Variants in BCL2L14 observed in about 807,000 individuals in gnomAD.
BCL2L14 encodes the protein BCL2 like 14, also known as apoptosis facilitator Bcl-2-like protein 14.
BCL2L14 carries 27 observed loss-of-function variants against 35.3 expected under a neutral mutation model. That is an observed-to-expected ratio of 0.76 (90% CI 0.56 to 1.05). BCL2L14 has a LOEUF of 1.05. Ranked by LOEUF, BCL2L14 falls within the 50% of genes least tolerant of loss-of-function variation. BCL2L14 has a pLI of 0.00. For synonymous variants in BCL2L14, 139 were observed against 145.9 expected (o/e 0.95, Z 0.34); for missense variants, 377 against 382.6 (o/e 0.99, Z 0.12).
chr12:12,066,444 G>T (rs966337457), upstream of BCL2L14, among the ~76,000 whole-genome samples: 1 of 152,086 alleles, frequency 6.6e-6, no homozygotes, highest in African/African-American at 2.4e-5. Flanking sequence ...GTTTTCCTGA[G>T]GATGGGCTTT....
intron 4 of BCL2L14, among the ~76,000 whole-genome samples, chr12:12,092,394 C>G (rs1296744230): frequency 1.3e-5 from 2 of 152,226 alleles, no homozygotes; most frequent in African/African-American, 2.4e-5. Flanking sequence ...GTAGGGAGCT[C>G]TGCTAGAGAC....
rs1259986350 is a variant in BCL2L14, at chr12:12,057,213, G to A, written c.-272+5366G>A. On this transcript the variant is annotated intron_variant, in intron 2 of 3. Transcript: ENST00000461264. ...CAATAAACAAAGGCATTCCACGGGA[G>A]ACTATTTGCATTATAATATGCAAGG... Among the ~76,000 whole-genome samples the A allele has an allele frequency of 2.0e-5, 3 of 152,172 alleles. No individual in the cohort carries two copies. In the East Asian group the frequency reaches 5.8e-4, roughly 29 times the overall value.
At chr12:12,096,320 TA>T (rs1405385545) in intron 5 of BCL2L14, 1 of 271,976 alleles carries the variant, frequency 3.7e-6, no homozygotes, top group African/African-American at 2.3e-5. Flanking sequence ...TAAAATACCA[TA>T]AATATGCTAT....
chr12:12,084,570 A>T (rs927063886), intron 2 of BCL2L14, among the ~76,000 whole-genome samples: 3 of 151,906 alleles, frequency 2.0e-5, no homozygotes, highest in Non-Finnish European at 4.4e-5. Flanking sequence ...GACCCCCAAA[A>T]CAGACTCCAA....
At chr12:12,075,733 T>A (rs11613185) in intron 1 of BCL2L14, among the ~76,000 whole-genome samples, 17,991 of 152,132 alleles carry the variant, frequency 0.12, 1,336 homozygotes, top group Non-Finnish European at 0.16. Flanking sequence ...CCGGATATGT[T>A]TCTTATGTCT....
At chr12:12,066,513 T>C (rs571851618), upstream of BCL2L14, among the ~76,000 whole-genome samples, 2 of 152,290 alleles carry the variant, frequency 1.3e-5, no homozygotes, top group African/African-American at 4.8e-5. Flanking sequence ...CCAGTGATGA[T>C]ATAAATCAAT....
At chr12:12,081,010 C>T (rs971635126) in intron 2 of BCL2L14, among the ~76,000 whole-genome samples, 1 of 152,022 alleles carries the variant, frequency 6.6e-6, no homozygotes, top group African/African-American at 2.4e-5. Flanking sequence ...ATGGCAAAAC[C>T]CTGTCTCTAC....
rs143264392 is a variant in BCL2L14 at position 12,087,484 on chromosome 12, G to A, written c.607+98G>A. On this transcript the variant is annotated intron_variant, in intron 3 of 5. Transcript: ENST00000308721. ...AGGGCTCGGCAACTTGACAGTCTCC[G>A]CTGCCTGGACTGAGGGCTTGACAGC... 165 of 1,348,018 alleles carry A rather than the reference G, an allele frequency of 1.2e-4. No individual in the cohort carries two copies. The African/African-American group carries it at 1.5e-3, about 12-fold the overall frequency. The allele number at this position is 1,348,018 out of a possible 1,614,324, so 83.5% of individuals were successfully genotyped here.
Position 12,060,821 on chromosome 12 carries a change from C to G in BCL2L14, c.-272+8974C>G, listed in dbSNP as rs547582380. Among the ~76,000 whole-genome samples, 54 of 131,456 alleles carry G rather than the reference C, an allele frequency of 4.1e-4. 4 individuals carry two copies. The South Asian group carries it at 9.9e-3, about 24-fold the overall frequency. The allele number at this position is 131,456 out of a possible 152,430, so 86.2% of individuals were successfully genotyped here. On this transcript the variant is annotated intron_variant, in intron 2 of 3. Transcript: ENST00000461264. ...GCCCCTGGAACTCTGGCCGAAGGCTCTCTGACTGACTCCTTCTCAGCTTAG... is the reference window on the plus strand; with the variant it reads ...GCCCCTGGAACTCTGGCCGAAGGCTGTCTGACTGACTCCTTCTCAGCTTAG...
At chr12:12,073,409 C>T (rs1384603698) in intron 1 of BCL2L14, among the ~76,000 whole-genome samples, 4 of 152,098 alleles carry the variant, frequency 2.6e-5, no homozygotes, top group Non-Finnish European at 5.9e-5. Context: ...TGTAAGACAA[C>T]AAAAATCTCA....
At chr12:12,092,975 C>T (rs1949225816) in intron 4 of BCL2L14, among the ~76,000 whole-genome samples, 2 of 152,248 alleles carry the variant, frequency 1.3e-5, no homozygotes, top group Non-Finnish European at 2.9e-5. Flanking sequence ...CAGAAATTTC[C>T]GTTTTCACAT....
At chr12:12,062,666 C>T (rs1336962303) in intron 2 of BCL2L14, among the ~76,000 whole-genome samples, 9 of 151,904 alleles carry the variant, frequency 5.9e-5, no homozygotes, top group African/African-American at 1.5e-4. Flanking sequence ...TCTAGGTAGA[C>T]ACTTTCACTA....
intron 4 of BCL2L14, among the ~76,000 whole-genome samples, chr12:12,091,249 A>G (rs576917932): frequency 6.6e-6 from 1 of 152,320 alleles, no homozygotes; most frequent in South Asian, 2.1e-4. Flanking sequence ...AAGCTGGAAT[A>G]CTTTCTGGAA....
At chr12:12,060,181 A>G (rs1948500371) in intron 2 of BCL2L14, among the ~76,000 whole-genome samples, 1 of 151,266 alleles carries the variant, frequency 6.6e-6, no homozygotes, top group African/African-American at 2.4e-5. Flanking sequence ...TCCGGCTTAC[A>G]GTTTCGTTCC....
At chr12:12,068,360 G>A (rs1415712373), upstream of BCL2L14, 1 of 392,776 alleles carries the variant, frequency 2.5e-6, no homozygotes, top group African/African-American at 2.1e-5. Flanking sequence ...ATATGCTTTT[G>A]TGGTTTTATT....
intron 2 of BCL2L14, among the ~76,000 whole-genome samples, chr12:12,057,988 A>G (rs1948458168): frequency 7.0e-6 from 1 of 143,132 alleles, no homozygotes; most frequent in South Asian, 2.2e-4. Flanking sequence ...TCTGTTGCCC[A>G]GGCTGGAGGA....
intron 2 of BCL2L14, among the ~76,000 whole-genome samples, chr12:12,064,141 C>T (rs1948566214): frequency 1.3e-5 from 2 of 152,032 alleles, no homozygotes; most frequent in South Asian, 2.1e-4. Flanking sequence ...TGAGCCACCA[C>T]GTGTGGCCTG....
Position 12,079,506 on chromosome 12 carries a change from G to GCA in BCL2L14, c.201_202insCA (p.Thr68GlnfsTer18). The GCA allele has an allele frequency of 6.2e-7, 1 of 1,614,230 alleles. No homozygotes were observed. Among genetic ancestry groups the GCA allele is most frequent in the Non-Finnish European group, 8.5e-7 (1 of 1,180,040 alleles). The stretch of plus-strand genomic sequence containing the variant: ...GGAATTGTTCAGCAAATGAGTCATG[G>GCA]ACAGAGGTGTCATGGCCTTGCAGAA... On this transcript the variant is annotated frameshift_variant, in exon 2 of 6. Coordinates refer to ENST00000308721, the MANE Select transcript of BCL2L14 (RefSeq NM_138723.2). LOFTEE classifies it high-confidence loss of function.
At chr12:12,098,102 C>A (rs1258531024) in intron 5 of BCL2L14, among the ~76,000 whole-genome samples, 1 of 152,014 alleles carries the variant, frequency 6.6e-6, no homozygotes, top group Non-Finnish European at 1.5e-5. Context: ...CTGATATGAG[C>A]TATGGAAGTG....
Sources: allele counts gnomAD v4.1 joint callset (sites outside exome capture counted in the v4.1 genomes callset), GRCh38; gene constraint gnomAD v4.1.1; transcripts MANE v1.5; gene names NCBI Gene and HGNC (gene_info 2026-07-23, HGNC 2026-07-21).